Variants in STK11 observed in about 807,000 individuals in gnomAD.
STK11 encodes the protein serine/threonine kinase 11.
In STK11, 8 loss-of-function variants were observed where a neutral mutation model predicts 47.3. The ratio of observed to expected loss-of-function variants is 0.17; its 90% CI spans 0.10 to 0.31. STK11 has a LOEUF of 0.31. Among genes scored for constraint, STK11 ranks in the 10% least tolerant of loss-of-function variants. The pLI, the probability that STK11 is intolerant of heterozygous loss-of-function variation, is 1.00. For missense variants in STK11, 475 were observed against 605.0 expected (o/e 0.79, Z 2.25); for synonymous variants, 330 against 255.8 (o/e 1.29, Z -2.77).
At chr19:1,219,192 A>G (rs2075605) in intron 2 of STK11, 132 bp from the exon 3 acceptor site, 67,394 of 1,033,016 alleles carry the variant, frequency 0.065, 2,685 homozygotes, top group East Asian at 0.18. Context: ...GGCTGAGGGC[A>G]GGGTGGGCCC....
chr19:1,222,958 G>A (rs1441341933), intron 7 of STK11, 27 bp from the exon 8 acceptor site: 23 of 1,522,014 alleles, frequency 1.5e-5, no homozygotes, highest in Non-Finnish European at 1.8e-5. Context: ...CAGCCTGACA[G>A]GCGCCACTGC....
At chr19:1,225,903 C>T (rs1189229899) in intron 8 of STK11, 4 of 989,982 alleles carry the variant, frequency 4.0e-6, no homozygotes, top group Admixed American at 1.2e-4. Flanking sequence ...GTGGGTTTCA[C>T]CAGGGTGCTG....
intron 1 of STK11, among the ~76,000 whole-genome samples, chr19:1,213,909 T>A (rs936011828): frequency 6.6e-6 from 1 of 152,214 alleles, no homozygotes; most frequent in Non-Finnish European, 1.5e-5. Context: ...ATCTCTTCCC[T>A]GTATGATCTG....
At position 1,221,547 on chromosome 19, in the gene STK11, G is replaced by A. The variant is rs547494078; in HGVS notation, c.862+207G>A. ...TGCTTCTGGGCCCTGTTCACCCTCC[G>A]AACTCCCACCCCAGAGGGCAGTGCT... On this transcript the variant is annotated intron_variant, in intron 6 of 9. Coordinates refer to ENST00000326873, the MANE Select transcript of STK11 (RefSeq NM_000455.5). 553 of 766,722 alleles carry A rather than the reference G, an allele frequency of 7.2e-4. 4 individuals are homozygous for A. The African/African-American group carries it at 8.3e-3, about 12-fold the overall frequency. The allele number at this position is 766,722 out of a possible 1,614,324, so 47.5% of individuals were successfully genotyped here. A position where few individuals can be genotyped will look rare whatever the true frequency, so the allele number is the denominator to read the frequency against.
intron 7 of STK11, 121 bp downstream of exon 7, chr19:1,222,127 C>A: frequency 8.3e-7 from 1 of 1,204,400 alleles, no homozygotes; most frequent in Non-Finnish European, 1.2e-6. Context: ...GGGGCCAGAC[C>A]CCGTGCAGCG....
At chr19:1,210,736 C>G (rs2080704086) in intron 1 of STK11, among the ~76,000 whole-genome samples, 1 of 152,076 alleles carries the variant, frequency 6.6e-6, no homozygotes, top group Non-Finnish European at 1.5e-5. Context: ...GTGGCGCACG[C>G]CTGTAATCCC....
chr19:1,227,632 C>CT lies in STK11; in HGVS notation c.*57dup. The CT allele has an allele frequency of 9.4e-7, 1 of 1,067,308 alleles. No individual in the cohort carries two copies. Among genetic ancestry groups the CT allele is most frequent in the South Asian group, 4.5e-5 (1 of 22,022 alleles). The allele number at this position is 1,067,308 out of a possible 1,614,324, so 66.1% of individuals were successfully genotyped here. The stretch of plus-strand genomic sequence containing the variant: ...CCCCGCCAGGTGCCCGCGCCAGGCC[C>CT]TCAGTCTTCCTGCCGGTTCCGCCCG... On this transcript the variant is annotated 3_prime_UTR_variant, in exon 10 of 10. Coordinates refer to ENST00000326873, the MANE Select transcript of STK11 (RefSeq NM_000455.5).
chr19:1,205,930 T>G lies in STK11; in HGVS notation c.-984T>G, dbSNP rs986011688. The G allele has an allele frequency of 1.2e-5, 2 of 165,078 alleles. No individual in the cohort carries two copies. The highest frequency in any genetic ancestry group is 2.4e-5 in the African/African-American group (1 of 41,126). 10.2% of individuals were successfully genotyped at this position (165,078 alleles called of 1,614,324 possible). On this transcript the variant is annotated 5_prime_UTR_variant, in exon 1 of 10. Transcript: ENST00000326873. The stretch of plus-strand genomic sequence containing the variant: ...GCTGGGCCCCCCTCGCCGCTCCGCC[T>G]CCTCCACACGCGCGGCGGCCGCGGC...
At position 1,226,447 on chromosome 19, in the gene STK11, C is replaced by T. The variant is rs922706582; in HGVS notation, c.1109-7C>T. On this transcript the variant is annotated splice_region_variant and splice_polypyrimidine_tract_variant and intron_variant, in intron 8 of 9. Coordinates refer to ENST00000326873, the MANE Select transcript of STK11 (RefSeq NM_000455.5). Reference sequence around the variant, plus strand: ...AGCTCAGGCCACACTTGCCGTCTCCCTCCCAGGACAGGTCCCAGAAGAGGA... The same window carrying T: ...AGCTCAGGCCACACTTGCCGTCTCCTTCCCAGGACAGGTCCCAGAAGAGGA... 1.2e-6 allele frequency: 2 copies of T among 1,609,558 alleles called. No homozygotes were observed. Among genetic ancestry groups the T allele is most frequent in the Non-Finnish European group, 1.7e-6 (2 of 1,178,736 alleles).
chr19:1,221,224 C>T lies in STK11; in HGVS notation c.746C>T (p.Thr249Ile), dbSNP rs886054218. Residue 249 changes from threonine to isoleucine, a missense_variant, in exon 6 of 10, where the codon ACC becomes ATC. By Grantham distance (89) the Thr-to-Ile change is moderately conservative. Around this residue, in one of 5 missense-constraint regions of STK11, gnomAD observed 130 missense variants for 239.7 expected, o/e 0.54. Coordinates refer to ENST00000326873, the MANE Select transcript of STK11 (RefSeq NM_000455.5). ...CCCTCGAAATGAAGCTACAACATCA[C>T]CACGGGTCTGTACCCCTTCGAAGGG... Reference protein sequence around the residue: ...WSAGVTLYNITTGLYPFEGDN... With the variant: ...WSAGVTLYNIITGLYPFEGDN... The T allele has an allele frequency of 6.2e-7, 1 of 1,612,424 alleles. No individual in the cohort carries two copies. The highest frequency in any genetic ancestry group is 8.5e-7 in the Non-Finnish European group (1 of 1,179,512).
At position 1,227,768 on chromosome 19, in the gene STK11, C is replaced by T. The variant is rs1268479999; in HGVS notation, c.*192C>T. On this transcript the variant is annotated 3_prime_UTR_variant, in exon 10 of 10. Coordinates refer to ENST00000326873, the MANE Select transcript of STK11 (RefSeq NM_000455.5). ...AGCAGGGACCGGGCGCAGCCCTCCC[C>T]CCTCGGCCGCCCGGCAGTGCACGCG... 2 of 1,073,492 alleles carry T rather than the reference C, an allele frequency of 1.9e-6. No individual in the cohort carries two copies. Among genetic ancestry groups the T allele is most frequent in the South Asian group, 4.5e-5 (1 of 22,034 alleles). The allele number at this position is 1,073,492 out of a possible 1,614,324, so 66.5% of individuals were successfully genotyped here. A position where few individuals can be genotyped will look rare whatever the true frequency, so the allele number is the denominator to read the frequency against.
In STK11 at chr19:1,205,900, G is replaced by A. The variant is rs2080660560; in HGVS notation, c.-1014G>A. On this transcript the variant is annotated 5_prime_UTR_variant, in exon 1 of 10. Transcript: ENST00000326873. ...GGCGGCACTTGCTGCCGCGGCCTTG[G>A]ATGGGCTGGGCCCCCCTCGCCGCTC... 5.4e-6 allele frequency: 1 copy of A among 186,820 alleles called. No individual in the cohort carries two copies. Among genetic ancestry groups the A allele is most frequent in the African/African-American group, 2.3e-5 (1 of 42,702 alleles). The allele number at this position is 186,820 out of a possible 1,614,324, so 11.6% of individuals were successfully genotyped here. A position where few individuals can be genotyped will look rare whatever the true frequency, so the allele number is the denominator to read the frequency against.
rs969994785 is a variant in STK11 at position 1,206,382 on chromosome 19, C to T, written c.-532C>T. 5 of 232,494 alleles carry T rather than the reference C, an allele frequency of 2.2e-5. No individual in the cohort carries two copies. The highest frequency in any genetic ancestry group is 6.6e-5 in the African/African-American group (3 of 45,306). 14.4% of individuals were successfully genotyped at this position (232,494 alleles called of 1,614,324 possible). ...TTTGCTCCTGGGACAGGCGGTGGGA[C>T]CGGGGCGTCGCCGGAGACGCCCCCA... On this transcript the variant is annotated 5_prime_UTR_variant, in exon 1 of 10. Transcript: ENST00000326873.
chr19:1,219,480 C>G (rs917889736), intron 3 of STK11, 67 bp downstream of exon 3: 1 of 1,486,282 alleles, frequency 6.7e-7, no homozygotes, highest in South Asian at 1.2e-5. Flanking sequence ...GGCTCCTTTC[C>G]GTGAGGCCAC....
At chr19:1,214,634 C>T (rs943281747) in intron 1 of STK11, among the ~76,000 whole-genome samples, 8 of 152,162 alleles carry the variant, frequency 5.3e-5, no homozygotes, top group African/African-American at 1.9e-4. Context: ...GCCTCCCGAG[C>T]GGCCCCCACG....
intron 9 of STK11, 65 bp downstream of exon 9, chr19:1,226,728 G>A: frequency 7.0e-7 from 1 of 1,431,064 alleles, no homozygotes; most frequent in South Asian, 1.5e-5. Context: ...AGCCAGCCGT[G>A]AGCATAGCCC....
chr19:1,227,603 G>A lies in STK11; in HGVS notation c.*27G>A. On this transcript the variant is annotated 3_prime_UTR_variant, in exon 10 of 10. Transcript: ENST00000326873. ...CCTTCCACCCTGCAGCCCGTGTCCA[G>A]GAGCCCCGCCAGGTGCCCGCGCCAG... 3 of 1,065,164 alleles carry A rather than the reference G, an allele frequency of 2.8e-6. No homozygotes were observed. The highest frequency in any genetic ancestry group is 3.4e-6 in the Non-Finnish European group (3 of 879,222). 66.0% of individuals were successfully genotyped at this position (1,065,164 alleles called of 1,614,324 possible).
chr19:1,211,540 AGTCTG>A lies in STK11; in HGVS notation c.290+4338_290+4342del, dbSNP rs778185937. Among the ~76,000 whole-genome samples the A allele has an allele frequency of 9.5e-3, 1,440 of 151,992 alleles. 3 individuals are homozygous for A. The highest frequency in any genetic ancestry group is 0.015 in the Non-Finnish European group (998 of 67,946). On this transcript the variant is annotated intron_variant, in intron 1 of 9. Transcript: ENST00000326873. ...AGTGAGAGTGGGCTCGAAGGCAGGGAGTCTGCCCGCCTTGTGGAGCCTCCGCAGAG... is the reference window on the plus strand; with the variant it reads ...AGTGAGAGTGGGCTCGAAGGCAGGGACCCGCCTTGTGGAGCCTCCGCAGAG...
chr19:1,220,151 C>G lies in STK11; in HGVS notation c.465-222C>G, dbSNP rs1044636952. On this transcript the variant is annotated intron_variant, in intron 3 of 9. Transcript: ENST00000326873. ...ACAGGAAAATGAGACCTGTGGACAT[C>G]CGGGGCCCTGCCAGACGTGGCTCGG... The G allele has an allele frequency of 2.5e-5, 14 of 556,616 alleles. No homozygotes were observed. The African/African-American group carries it at 2.7e-4, about 11-fold the overall frequency. The allele number at this position is 556,616 out of a possible 1,614,324, so 34.5% of individuals were successfully genotyped here.
Sources: allele counts gnomAD v4.1 joint callset (sites outside exome capture counted in the v4.1 genomes callset), GRCh38; gene constraint gnomAD v4.1.1; regional missense constraint gnomAD v4.1.1; transcripts MANE v1.5; gene names NCBI Gene and HGNC (gene_info 2026-07-23, HGNC 2026-07-21).